SUGCT: variants seen among roughly 807,000 people sequenced by gnomAD.
The protein encoded by SUGCT is succinyl-CoA:glutarate CoA-transferase.
SUGCT carries 41 observed loss-of-function variants against 55.0 expected under a neutral mutation model. The observed-to-expected ratio is 0.74, with a 90% confidence interval of 0.58 to 0.97. SUGCT has a LOEUF of 0.97. Among genes scored for constraint, SUGCT ranks in the 50% least tolerant of loss-of-function variants. SUGCT has a pLI of 0.00. For synonymous variants in SUGCT, 187 were observed against 200.4 expected (o/e 0.93, Z 0.56); for missense variants, 568 against 547.8 (o/e 1.04, Z -0.37).
At chr7:40,610,228 T>C (rs574367201) in intron 12 of SUGCT, among the ~76,000 whole-genome samples, 17 of 152,286 alleles carry the variant, frequency 1.1e-4, no homozygotes, top group Non-Finnish European at 1.9e-4. Context: ...CGCATGTAAG[T>C]CTTAAGTACA....
intron 12 of SUGCT, among the ~76,000 whole-genome samples, chr7:40,508,129 TG>T (rs1225241383): frequency 2.0e-5 from 3 of 152,186 alleles, no homozygotes; most frequent in Non-Finnish European, 4.4e-5. Flanking sequence ...ACCAGACTTC[TG>T]GGGTAAGTTC....
At chr7:40,898,356 T>C in the SUGCT span, among the ~76,000 whole-genome samples, 34 of 152,070 alleles carry the variant, frequency 2.2e-4, no homozygotes, top group African/African-American at 8.0e-4. Context: ...GCGGCTTCGC[T>C]CCTGAAGTCA....
At chr7:40,579,528 C>G (rs1442869603) in intron 12 of SUGCT, among the ~76,000 whole-genome samples, 2 of 152,116 alleles carry the variant, frequency 1.3e-5, no homozygotes, top group African/African-American at 4.8e-5. Context: ...TGCAGTCTTT[C>G]ATTTCAGCCA....
the SUGCT span, among the ~76,000 whole-genome samples, chr7:41,029,556 GA>G: frequency 6.6e-6 from 1 of 152,108 alleles, no homozygotes; most frequent in African/African-American, 2.4e-5. Context: ...TTCCTTCTAG[GA>G]AAAACCCATG....
chr7:40,564,103 A>G (rs1029446981), intron 12 of SUGCT, among the ~76,000 whole-genome samples: 5 of 152,148 alleles, frequency 3.3e-5, no homozygotes, highest in Admixed American at 1.3e-4. Flanking sequence ...GCCGGGCGCC[A>G]TGGCTCACGC....
At chr7:40,638,979 T>G (rs1340187469) in intron 12 of SUGCT, among the ~76,000 whole-genome samples, 1 of 152,184 alleles carries the variant, frequency 6.6e-6, no homozygotes, top group Admixed American at 6.5e-5. Context: ...GAAAACTGAT[T>G]GGAAAACACT....
chr7:40,398,951 C>A (rs1023974029), intron 9 of SUGCT, among the ~76,000 whole-genome samples: 4 of 152,094 alleles, frequency 2.6e-5, no homozygotes, highest in African/African-American at 9.7e-5. Context: ...TGTCCATAAT[C>A]AGTATAAATA....
intron 9 of SUGCT, among the ~76,000 whole-genome samples, chr7:40,414,918 G>A (rs747284649): frequency 6.6e-6 from 1 of 151,646 alleles, no homozygotes; most frequent in Non-Finnish European, 1.5e-5. Flanking sequence ...GTTGGCAGGC[G>A]CCCATAATCC....
chr7:40,898,322 C>T, the SUGCT span, among the ~76,000 whole-genome samples: 1 of 152,164 alleles, frequency 6.6e-6, no homozygotes, highest in Non-Finnish European at 1.5e-5. Context: ...CGTTTAAGAG[C>T]CGTAAGACTC....
the SUGCT span, among the ~76,000 whole-genome samples, chr7:40,921,730 G>A: frequency 6.6e-6 from 1 of 152,158 alleles, no homozygotes; most frequent in Non-Finnish European, 1.5e-5. Context: ...GGTGGTGGCT[G>A]TAACCTCCTG....
the SUGCT span, among the ~76,000 whole-genome samples, chr7:40,951,614 C>T: frequency 1.3e-5 from 2 of 152,106 alleles, no homozygotes; most frequent in Non-Finnish European, 2.9e-5. Flanking sequence ...TCCCTCTACA[C>T]ACTTCTTTAA....
At chr7:40,562,019 G>A (rs1457460502) in intron 12 of SUGCT, among the ~76,000 whole-genome samples, 1 of 150,050 alleles carries the variant, frequency 6.7e-6, no homozygotes, top group African/African-American at 2.4e-5. Flanking sequence ...TGAATGCCAG[G>A]CCAGGCGCAG....
the SUGCT span, among the ~76,000 whole-genome samples, chr7:40,959,253 G>A: frequency 3.3e-5 from 5 of 152,244 alleles, no homozygotes; most frequent in African/African-American, 4.8e-5. Context: ...TAAGTCTGCT[G>A]AAGCTGTGCC....
At chr7:40,693,916 G>A (rs1254244112) in intron 12 of SUGCT, among the ~76,000 whole-genome samples, 4 of 152,086 alleles carry the variant, frequency 2.6e-5, no homozygotes, top group Non-Finnish European at 4.4e-5. Context: ...ACACTGTCCC[G>A]CCCTCAGAAA....
chr7:40,281,883 A>G (rs1792975871), intron 8 of SUGCT, among the ~76,000 whole-genome samples: 1 of 152,102 alleles, frequency 6.6e-6, no homozygotes, highest in African/African-American at 2.4e-5. Context: ...GTTTAGCAGC[A>G]TAATCTCACT....
At chr7:40,569,503 TC>T (rs576690428) in intron 12 of SUGCT, among the ~76,000 whole-genome samples, 140 of 152,316 alleles carry the variant, frequency 9.2e-4, no homozygotes, top group African/African-American at 3.2e-3. Context: ...CAGCTTCATT[TC>T]CATCACAAAA....
chr7:40,368,501 G>T (rs1361225752), intron 9 of SUGCT, among the ~76,000 whole-genome samples: 3 of 151,952 alleles, frequency 2.0e-5, no homozygotes, highest in Non-Finnish European at 4.4e-5. Flanking sequence ...CCGGACTATT[G>T]TTCATTATTA....
chr7:40,276,581 G>A (rs978490261), intron 8 of SUGCT, among the ~76,000 whole-genome samples: 3 of 152,178 alleles, frequency 2.0e-5, no homozygotes, highest in African/African-American at 7.2e-5. Flanking sequence ...TTACTCTAAT[G>A]TATAAAGAGT....
intron 12 of SUGCT, among the ~76,000 whole-genome samples, chr7:40,606,703 G>A (rs1190248119): frequency 1.3e-5 from 2 of 152,124 alleles, no homozygotes; most frequent in Non-Finnish European, 2.9e-5. Flanking sequence ...TCTTTATCAT[G>A]GAACCTGTCA....
Sources: allele counts gnomAD v4.1 joint callset (sites outside exome capture counted in the v4.1 genomes callset), GRCh38; gene constraint gnomAD v4.1.1; transcripts MANE v1.5; gene names NCBI Gene and HGNC (gene_info 2026-07-23, HGNC 2026-07-21).